Variants in ATRNL1 observed in about 807,000 individuals in gnomAD.
The protein encoded by ATRNL1 is attractin-like protein 1.
Under a neutral mutation model 182.7 loss-of-function variants are expected in ATRNL1, and 95 were observed. The observed-to-expected ratio is 0.52, with a 90% CI of 0.44 to 0.62. ATRNL1 has a LOEUF of 0.62. Ranked by LOEUF, ATRNL1 falls within the 20% of genes least tolerant of loss-of-function variation. The probability of loss-of-function intolerance (pLI) is 0.00; values close to 1 mark genes in which losing one functional copy is unlikely to be tolerated. For synonymous variants in ATRNL1, 576 were observed against 568.3 expected (o/e 1.01, Z -0.19); for missense variants, 1,471 against 1,679.5 (o/e 0.88, Z 2.17).
chr10:115,142,192 G>A (rs565494307), intron 5 of ATRNL1, among the ~76,000 whole-genome samples: 3 of 152,196 alleles, frequency 2.0e-5, no homozygotes, highest in Non-Finnish European at 4.4e-5. Flanking sequence ...AAGATCTGGG[G>A]GTTACATTTA....
At chr10:115,577,351 C>T (rs936006835) in intron 26 of ATRNL1, among the ~76,000 whole-genome samples, 3 of 151,718 alleles carry the variant, frequency 2.0e-5, no homozygotes, top group East Asian at 3.9e-4. Context: ...ATTCTTCAAT[C>T]CATTAACACA....
chr10:115,678,271 T>G (rs782752174), intron 26 of ATRNL1, among the ~76,000 whole-genome samples: 132 of 152,272 alleles, frequency 8.7e-4, no homozygotes, highest in Non-Finnish European at 1.5e-3. Flanking sequence ...TTTACACCAC[T>G]GTACATGTGC....
chr10:115,265,173 T>C lies in ATRNL1; in HGVS notation c.1688-20T>C. 5.3e-6 allele frequency: 8 copies of C among 1,507,876 alleles called. No individual in the cohort carries two copies. Among genetic ancestry groups the C allele is most frequent in the Non-Finnish European group, 7.3e-6 (8 of 1,095,470 alleles). The allele number at this position is 1,507,876 out of a possible 1,614,324, so 93.4% of individuals were successfully genotyped here. On this transcript the variant is annotated intron_variant, in intron 10 of 28. Coordinates refer to ENST00000355044, the MANE Select transcript of ATRNL1 (RefSeq NM_207303.4). ...TATTCTTTTATTTCATTTTTTGTTT[T>C]TCTGTTTTCTTTTTTCTAGCTTGTG...
intron 14 of ATRNL1, among the ~76,000 whole-genome samples, chr10:115,282,065 C>CATA (rs201530730): frequency 1.4e-4 from 20 of 143,454 alleles, no homozygotes; most frequent in African/African-American, 4.3e-4. Flanking sequence ...TAATATGTAA[C>CATA]ATATATTTAT....
At position 115,131,201 on chromosome 10, in the gene ATRNL1, C is replaced by G. The variant is rs1232452932; in HGVS notation, c.829+1666C>G. The stretch of plus-strand genomic sequence containing the variant: ...AAAGCAAAGTTATATTATCAGTAGT[C>G]TAAGAACTACTTGTCTGTGTGTGTG... On this transcript the variant is annotated intron_variant, in intron 5 of 28. Transcript: ENST00000355044. Among the ~76,000 whole-genome samples the G allele has an allele frequency of 2.0e-5, 3 of 151,850 alleles. No individual in the cohort carries two copies. The East Asian group carries it at 5.8e-4, about 29-fold the overall frequency.
intron 27 of ATRNL1, among the ~76,000 whole-genome samples, chr10:115,762,623 C>T (rs1948760399): frequency 1.3e-5 from 2 of 151,996 alleles, no homozygotes; most frequent in Non-Finnish European, 2.9e-5. Flanking sequence ...AGAAAGGGTA[C>T]ATTTACATCC....
chr10:115,261,000 A>G (rs1851368450), intron 10 of ATRNL1, among the ~76,000 whole-genome samples: 1 of 152,122 alleles, frequency 6.6e-6, no homozygotes, highest in Non-Finnish European at 1.5e-5. Context: ...CACAAATTTT[A>G]AGACTAAAAG....
chr10:115,903,582 C>T (rs1390355517), intron 28 of ATRNL1, among the ~76,000 whole-genome samples: 1 of 152,194 alleles, frequency 6.6e-6, no homozygotes, highest in Non-Finnish European at 1.5e-5. Flanking sequence ...GATTCAAATC[C>T]TTTAGCCAGA....
intron 24 of ATRNL1, among the ~76,000 whole-genome samples, chr10:115,484,465 T>C (rs1848922732): frequency 6.6e-6 from 1 of 151,626 alleles, no homozygotes; most frequent in African/African-American, 2.4e-5. Flanking sequence ...TAGGATAAGG[T>C]ATCAAGTTAC....
At chr10:115,310,018 A>G (rs1397082503) in intron 17 of ATRNL1, among the ~76,000 whole-genome samples, 2 of 152,146 alleles carry the variant, frequency 1.3e-5, no homozygotes, top group African/African-American at 4.8e-5. Flanking sequence ...ATTTTGTGGT[A>G]TGTTCCTTCT....
intron 18 of ATRNL1, among the ~76,000 whole-genome samples, chr10:115,331,368 T>A (rs1438983030): frequency 2.0e-5 from 3 of 152,156 alleles, no homozygotes; most frequent in Non-Finnish European, 4.4e-5. Flanking sequence ...GAGGCCTGCA[T>A]TTTTCCTTTC....
At chr10:115,371,894 G>A (rs572415262) in intron 19 of ATRNL1, among the ~76,000 whole-genome samples, 4 of 152,198 alleles carry the variant, frequency 2.6e-5, no homozygotes, top group South Asian at 4.1e-4. Context: ...CATGTGTTGT[G>A]GAAAGGACCT....
At chr10:115,558,918 T>G (rs1853494277) in intron 26 of ATRNL1, among the ~76,000 whole-genome samples, 1 of 152,110 alleles carries the variant, frequency 6.6e-6, no homozygotes, top group African/African-American at 2.4e-5. Context: ...CAGCTCCCTT[T>G]TGCAGATGCT....
At chr10:115,543,753 C>T (rs1852490821) in intron 25 of ATRNL1, among the ~76,000 whole-genome samples, 1 of 151,654 alleles carries the variant, frequency 6.6e-6, no homozygotes, top group African/African-American at 2.4e-5. Flanking sequence ...CTAATAAGTT[C>T]CATTTTTTTA....
chr10:115,769,633 G>T (rs1359139761), intron 27 of ATRNL1, among the ~76,000 whole-genome samples: 1 of 152,096 alleles, frequency 6.6e-6, no homozygotes, highest in East Asian at 1.9e-4. Flanking sequence ...ACTGACTTTG[G>T]AGTTATTCAT....
intron 9 of ATRNL1, among the ~76,000 whole-genome samples, chr10:115,229,222 G>T (rs1554899418): frequency 2.0e-5 from 3 of 152,032 alleles, no homozygotes; most frequent in African/African-American, 7.2e-5. Context: ...TACATGAAAT[G>T]ATTTAATCTA....
chr10:115,579,303 T>G (rs1425563810), intron 26 of ATRNL1, among the ~76,000 whole-genome samples: 1 of 151,814 alleles, frequency 6.6e-6, no homozygotes, highest in Non-Finnish European at 1.5e-5. Flanking sequence ...AAGTTCTCTA[T>G]CATTATTGCT....
rs533693949 is a variant in ATRNL1, at chr10:115,755,982, C to T, written c.3903+28627C>T. ...GGTGTTTATAGTATTCTCTGCTGGT[C>T]GTTTGTATTTCTGTGGGATTGGTGG... On this transcript the variant is annotated intron_variant, in intron 27 of 28. Coordinates refer to ENST00000355044, the MANE Select transcript of ATRNL1 (RefSeq NM_207303.4). Among the ~76,000 whole-genome samples the T allele has an allele frequency of 4.6e-5, 7 of 151,888 alleles. No individual in the cohort carries two copies. In the South Asian group the frequency reaches 1.5e-3, roughly 32 times the overall value.
At chr10:115,785,918 C>T (rs991407816) in intron 27 of ATRNL1, among the ~76,000 whole-genome samples, 6 of 152,150 alleles carry the variant, frequency 3.9e-5, no homozygotes, top group East Asian at 1.9e-4. Flanking sequence ...GAACACAACT[C>T]ATTTCTTTAT....
Sources: gnomAD v4.1 joint callset for allele counts (sites outside exome capture counted in the v4.1 genomes callset) on GRCh38, gnomAD v4.1.1 for gene constraint, MANE v1.5 for transcripts, NCBI Gene and HGNC (gene_info 2026-07-23, HGNC 2026-07-21) for gene names.